FAP: variants seen among roughly 807,000 people sequenced by gnomAD.
FAP encodes fibroblast activation protein alpha.
In FAP, 110 loss-of-function variants were observed where a neutral mutation model predicts 126.5. The ratio of observed to expected loss-of-function variants is 0.87; its 90% CI spans 0.74 to 1.02. The LOEUF is 1.02. Among genes scored for constraint, FAP ranks in the 50% least tolerant of loss-of-function variants. The pLI, the probability that FAP is intolerant of heterozygous loss-of-function variation, is 0.00. For missense variants in FAP, 919 were observed against 909.2 expected, an observed-to-expected ratio of 1.01 and a Z score of -0.14; for synonymous variants, 334 against 297.3, an observed-to-expected ratio of 1.12 and a Z score of -1.27.
At chr2:162,217,575 C>T (rs554566103) in intron 9 of FAP, among the ~76,000 whole-genome samples, 1 of 152,254 alleles carries the variant, frequency 6.6e-6, no homozygotes, top group East Asian at 1.9e-4. Context: ...ATAACCCATG[C>T]CTGCTTCTAC....
At position 162,174,852 on chromosome 2, in the gene FAP, T is replaced by C; in HGVS notation, c.1969+15A>G. 2 of 1,555,762 alleles carry C rather than the reference T, an allele frequency of 1.3e-6. No individual in the cohort carries two copies. Among genetic ancestry groups the C allele is most frequent in the Non-Finnish European group, 1.8e-6 (2 of 1,127,648 alleles). On this transcript the variant is annotated intron_variant, in intron 22 of 25. Transcript: ENST00000188790. Reference sequence around the variant, plus strand: ...TTAAATGCTTTCACAGTAACATTAATGAATGTTTCCATACCGTAATATTCC... The same window carrying C: ...TTAAATGCTTTCACAGTAACATTAACGAATGTTTCCATACCGTAATATTCC...
At chr2:162,176,283 C>A (rs927910710) in intron 21 of FAP, 1 of 152,070 alleles carries the variant, frequency 6.6e-6, no homozygotes, top group African/African-American at 2.4e-5. Context: ...CTGAATCTAA[C>A]AGTTAAATGA....
At chr2:162,217,365 G>A (rs1689194362) in intron 9 of FAP, among the ~76,000 whole-genome samples, 2 of 152,124 alleles carry the variant, frequency 1.3e-5, no homozygotes, top group Non-Finnish European at 2.9e-5. Flanking sequence ...AGGATATAAT[G>A]CTTCTTCACT....
chr2:162,226,962 A>G (rs1689679728), intron 2 of FAP, among the ~76,000 whole-genome samples: 1 of 152,160 alleles, frequency 6.6e-6, no homozygotes, highest in Non-Finnish European at 1.5e-5. Context: ...CAGAAGGAAG[A>G]TGAGATGAGG....
chr2:162,190,346 C>T (rs910597145), intron 17 of FAP, among the ~76,000 whole-genome samples: 5 of 151,908 alleles, frequency 3.3e-5, no homozygotes, highest in African/African-American at 1.2e-4. Context: ...CAGATCCTTT[C>T]TCTCAAGGTA....
intron 20 of FAP, among the ~76,000 whole-genome samples, chr2:162,185,695 TTGGTATGTCAAAAGCTTAGCCAGA>T (rs1296554902): frequency 1.3e-5 from 2 of 152,130 alleles, no homozygotes; most frequent in Non-Finnish European, 2.9e-5. Flanking sequence ...CGATTTTCTT[TTGGTATGTCAAAAGCTTAGCCAGA>T]TTGCATTTTG....
intron 2 of FAP, among the ~76,000 whole-genome samples, chr2:162,241,514 C>T (rs1690344896): frequency 6.6e-6 from 1 of 152,092 alleles, no homozygotes; most frequent in Non-Finnish European, 1.5e-5. Flanking sequence ...GGCAAGTGCC[C>T]TATAAAATTA....
At chr2:162,205,118 G>GA (rs1346616668) in intron 12 of FAP, among the ~76,000 whole-genome samples, 1 of 152,168 alleles carries the variant, frequency 6.6e-6, no homozygotes, top group Non-Finnish European at 1.5e-5. Flanking sequence ...TTGCTGGGCA[G>GA]AACTCTCAGA....
At chr2:162,194,272 C>A in intron 17 of FAP, 1 of 141,070 alleles carries the variant, frequency 7.1e-6, no homozygotes, top group Non-Finnish European at 1.5e-5. Context: ...TGGGATGTTA[C>A]CACACACACA....
intron 16 of FAP, among the ~76,000 whole-genome samples, chr2:162,197,903 G>A (rs939384565): frequency 1.4e-4 from 21 of 152,166 alleles, no homozygotes; most frequent in Non-Finnish European, 1.9e-4. Context: ...CTGGAGGGAG[G>A]TGACAGAGAT....
intron 17 of FAP, among the ~76,000 whole-genome samples, chr2:162,192,351 A>C (rs181746160): frequency 6.6e-6 from 1 of 152,162 alleles, no homozygotes; most frequent in Admixed American, 6.6e-5. Context: ...CATCTGGTAC[A>C]GCTGATTATT....
intron 9 of FAP, among the ~76,000 whole-genome samples, chr2:162,217,323 A>AT (rs1441807235): frequency 2.6e-5 from 4 of 152,044 alleles, no homozygotes; most frequent in African/African-American, 4.8e-5. Flanking sequence ...CTTTGATTCC[A>AT]TTTTTTCTGA....
intron 2 of FAP, among the ~76,000 whole-genome samples, chr2:162,236,440 ATGTTTT>A (rs1690132514): frequency 6.9e-6 from 1 of 144,600 alleles, no homozygotes; most frequent in South Asian, 2.1e-4. Context: ...GGAAGTTTTT[ATGTTTT>A]TGTTTTTTTT....
At chr2:162,195,828 G>A (rs1372463237) in intron 16 of FAP, among the ~76,000 whole-genome samples, 1 of 152,106 alleles carries the variant, frequency 6.6e-6, no homozygotes, top group Non-Finnish European at 1.5e-5. Context: ...CAACAAATGT[G>A]GAGGTTGGAG....
intron 16 of FAP, chr2:162,198,373 T>C: frequency 7.8e-7 from 1 of 1,278,498 alleles, no homozygotes; most frequent in Non-Finnish European, 1.0e-6. Context: ...AGAGAACATT[T>C]CTTTTTCTGC....
chr2:162,204,417 G>A (rs1026591010), intron 12 of FAP, among the ~76,000 whole-genome samples: 3 of 152,174 alleles, frequency 2.0e-5, no homozygotes, highest in Non-Finnish European at 4.4e-5. Flanking sequence ...TGGGGTCTTC[G>A]CAGATGTAAT....
chr2:162,173,032 G>A (rs1159845757), intron 24 of FAP, 117 bp downstream of exon 24: 4 of 1,131,456 alleles, frequency 3.5e-6, no homozygotes, highest in Non-Finnish European at 5.4e-6. Context: ...ATATGGAAAT[G>A]TCCCTGACTC....
chr2:162,196,661 G>A (rs577210216), intron 16 of FAP, among the ~76,000 whole-genome samples: 12 of 152,006 alleles, frequency 7.9e-5, no homozygotes, highest in African/African-American at 2.9e-4. Flanking sequence ...CAGCATCATC[G>A]ATATAATTTT....
intron 11 of FAP, among the ~76,000 whole-genome samples, chr2:162,213,429 A>T (rs1316091340): frequency 6.6e-6 from 1 of 151,990 alleles, no homozygotes; most frequent in African/African-American, 2.4e-5. Flanking sequence ...ACAAACAAAA[A>T]AAAAAACAGA....
Sources: gnomAD v4.1 joint callset for allele counts (sites outside exome capture counted in the v4.1 genomes callset) on GRCh38, gnomAD v4.1.1 for gene constraint, MANE v1.5 for transcripts, NCBI Gene and HGNC (gene_info 2026-07-23, HGNC 2026-07-21) for gene names.